EEF2KMT: variants seen among roughly 807,000 people sequenced by gnomAD.
EEF2KMT encodes protein-lysine N-methyltransferase EEF2KMT.
In EEF2KMT, 30 loss-of-function variants were observed where a neutral mutation model predicts 35.1. That is an observed-to-expected ratio of 0.85 (90% CI 0.64 to 1.16). The LOEUF is 1.16. Ranked by LOEUF, EEF2KMT falls within the 50% of genes most tolerant of loss-of-function variation. EEF2KMT has a pLI of 0.00. For missense variants in EEF2KMT, 499 were observed against 438.2 expected, an observed-to-expected ratio of 1.14 and a Z score of -1.24; for synonymous variants, 190 against 187.7, an observed-to-expected ratio of 1.01 and a Z score of -0.10.
intron 3 of EEF2KMT, among the ~76,000 whole-genome samples, chr16:5,092,288 G>C (rs1596277460): frequency 6.6e-6 from 1 of 152,180 alleles, no homozygotes; most frequent in Admixed American, 6.5e-5. Context: ...ATAGAGAGCC[G>C]TGTTTGGATC....
rs2142794886 is a variant in EEF2KMT at position 5,097,781 on chromosome 16, A to G, written c.-42T>C. 1.3e-6 allele frequency: 2 copies of G among 1,531,186 alleles called. No homozygotes were observed. Among genetic ancestry groups the G allele is most frequent in the Non-Finnish European group, 1.7e-6 (2 of 1,144,462 alleles). The allele number at this position is 1,531,186 out of a possible 1,614,324, so 94.8% of individuals were successfully genotyped here. ...CAGCGTTGCCGGCAGACCGGGCGGA[A>G]GCCCGGCCTGGACTGAAGAGGGGGC... On this transcript the variant is annotated 5_prime_UTR_variant, in exon 1 of 8. Coordinates refer to ENST00000427587, the MANE Select transcript of EEF2KMT (RefSeq NM_201400.4).
At chr16:5,094,160 A>C (rs764209640) in intron 2 of EEF2KMT, among the ~76,000 whole-genome samples, 81 of 152,188 alleles carry the variant, frequency 5.3e-4, no homozygotes, top group Admixed American at 1.2e-3. Flanking sequence ...CTGGAGGGAG[A>C]GGGAGGAGAC....
At chr16:5,091,060 G>A (rs1596275849) in intron 4 of EEF2KMT, among the ~76,000 whole-genome samples, 1 of 152,052 alleles carries the variant, frequency 6.6e-6, no homozygotes, top group African/African-American at 2.4e-5. Flanking sequence ...GAATACAGGC[G>A]TGTGCCACCA....
chr16:5,087,329 G>C (rs1957216743), intron 7 of EEF2KMT: 1 of 152,140 alleles, frequency 6.6e-6, no homozygotes, highest in South Asian at 2.1e-4. Context: ...TTCCCCTATA[G>C]GTATACTTAT....
rs777620515 is a variant in EEF2KMT, at chr16:5,097,716, C to T, written c.24G>A (p.Gly8=). 6 of 1,573,592 alleles carry T rather than the reference C, an allele frequency of 3.8e-6. No homozygotes were observed. The highest frequency in any genetic ancestry group is 1.8e-5 in the Admixed American group (1 of 55,254). Residue 8 remains glycine, a synonymous_variant, in exon 1 of 8, where the codon GGG becomes GGA. Transcript: ENST00000427587. MAPEENA[G]TELLLQSFER... is the part of the protein sequence containing the mutation. ...CGAAACTCTGCAGCAAGAGTTCGGT[C>T]CCCGCGTTCTCCTCGGGCGCCATGA...
chr16:5,084,394 T>C lies in EEF2KMT; in HGVS notation c.*1238A>G, dbSNP rs1189865881. On this transcript the variant is annotated 3_prime_UTR_variant, in exon 8 of 8. Transcript: ENST00000427587. ...TTTGTGATCCTTGATTCAGACAGTT[T>C]AGCAAGGCTGCAAAGAACACCGACA... 1 of 454,158 alleles carries C rather than the reference T, an allele frequency of 2.2e-6. No individual in the cohort carries two copies. Among genetic ancestry groups the C allele is most frequent in the Non-Finnish European group, 4.1e-6 (1 of 245,130 alleles). 28.1% of individuals were successfully genotyped at this position (454,158 alleles called of 1,614,324 possible). A position where few individuals can be genotyped will look rare whatever the true frequency, so the allele number is the denominator to read the frequency against.
chr16:5,096,935 CA>C (rs1957481490), intron 1 of EEF2KMT, among the ~76,000 whole-genome samples: 2 of 152,306 alleles, frequency 1.3e-5, no homozygotes, highest in Non-Finnish European at 2.9e-5. Flanking sequence ...TGGAATAACG[CA>C]AATGATTAAG....
rs745866913 is a variant in EEF2KMT at position 5,090,037 on chromosome 16, A to C, written c.742+47T>G. The C allele has an allele frequency of 1.3e-4, 204 of 1,597,918 alleles. 1 individual carries two copies. The highest frequency in any genetic ancestry group is 1.5e-4 in the Non-Finnish European group (174 of 1,179,558). ...TTTCCCAGAGCCAAGAGCTGGGTAG[A>C]GCTGCAAGGACACCACCTGCACAGG... On this transcript the variant is annotated intron_variant, in intron 6 of 7. Transcript: ENST00000427587. This position sits in a 1 kb window ranked among gnomAD's most constrained non-coding sequence, Gnocchi z 4.1.
In EEF2KMT at chr16:5,097,523, C is replaced by G. The variant is rs751109923; in HGVS notation, c.96+121G>C. The G allele has an allele frequency of 2.8e-5, 42 of 1,484,064 alleles. No homozygotes were observed. In the African/African-American group the frequency reaches 5.5e-4, roughly 19 times the overall value. The allele number at this position is 1,484,064 out of a possible 1,614,324, so 91.9% of individuals were successfully genotyped here. ...CGGGGACCGGGTCGCGCGGCCCTGA[C>G]CGGCGGGAGCCCAGGAACTCACGTG... On this transcript the variant is annotated intron_variant, in intron 1 of 7. Transcript: ENST00000427587.
Position 5,095,595 on chromosome 16 carries a change from G to C in EEF2KMT, c.97-81C>G, listed in dbSNP as rs909013150. The stretch of plus-strand genomic sequence containing the variant: ...ACGCAATAGAATGTGTTGGCAAAGC[G>C]CTGTGTGATCCCTCCCTGGGGACGT... On this transcript the variant is annotated intron_variant, in intron 1 of 7. Coordinates refer to ENST00000427587, the MANE Select transcript of EEF2KMT (RefSeq NM_201400.4). 5.5e-5 allele frequency: 88 copies of C among 1,597,734 alleles called. 1 individual carries two copies. Among genetic ancestry groups the C allele is most frequent in the Non-Finnish European group, 7.2e-5 (84 of 1,168,120 alleles).
chr16:5,097,232 G>C (rs1443184106), intron 1 of EEF2KMT: 1 of 1,220,206 alleles, frequency 8.2e-7, no homozygotes, highest in Non-Finnish European at 1.1e-6. Flanking sequence ...ACTGAGGCAC[G>C]AGGGACAGCC....
chr16:5,095,095 A>C (rs531482391), intron 2 of EEF2KMT, among the ~76,000 whole-genome samples: 3 of 152,324 alleles, frequency 2.0e-5, no homozygotes, highest in African/African-American at 7.2e-5. Flanking sequence ...AGTGGGCAGG[A>C]CAGGCCTCAT....
At chr16:5,088,636 C>G (rs1957268439) in intron 7 of EEF2KMT, among the ~76,000 whole-genome samples, 1 of 152,114 alleles carries the variant, frequency 6.6e-6, no homozygotes, top group Non-Finnish European at 1.5e-5. Flanking sequence ...GGTCTGAGGA[C>G]AGTTGCTGGC....
intron 2 of EEF2KMT, 159 bp downstream of exon 2, chr16:5,095,293 A>T (rs1454842536): frequency 9.6e-7 from 1 of 1,039,952 alleles, no homozygotes; most frequent in Non-Finnish European, 1.4e-6. Context: ...TGGAGCTGTC[A>T]GAGGTGCTGA....
At chr16:5,094,252 C>T (rs2142779574) in intron 2 of EEF2KMT, among the ~76,000 whole-genome samples, 1 of 152,266 alleles carries the variant, frequency 6.6e-6, no homozygotes, top group South Asian at 2.1e-4. Flanking sequence ...ACAGGCTCTT[C>T]AGGCTGGTGC....
At chr16:5,097,201 G>T in intron 1 of EEF2KMT, 1 of 990,592 alleles carries the variant, frequency 1.0e-6, no homozygotes, top group Non-Finnish European at 1.3e-6. Context: ...TCTGTGCAGT[G>T]CTCAACATAC....
chr16:5,090,532 T>C lies in EEF2KMT; in HGVS notation c.376A>G (p.Thr126Ala). The C allele has an allele frequency of 6.2e-7, 1 of 1,611,912 alleles. No individual in the cohort carries two copies. Among genetic ancestry groups the C allele is most frequent in the African/African-American group, 1.3e-5 (1 of 74,954 alleles). Residue 126 changes from threonine to alanine, a missense_variant, in exon 5 of 8, where the codon ACG becomes GCG. Thr to Ala is a moderately conservative substitution (Grantham distance 58). Transcript: ENST00000427587. This position sits in a 1 kb window ranked among gnomAD's most constrained non-coding sequence, Gnocchi z 4.1. ...GTGGTACCGTAGGAGATGATGGCCG[T>C]GCTCTCGGAGAGTGTGACCGAGCCT... is the stretch of plus-strand genomic sequence containing the variant. ...SGGSVTLSES[T>A]AIISYGTTGL...
At position 5,090,455 on chromosome 16, in the gene EEF2KMT, C is replaced by A. The variant is rs1957318599; in HGVS notation, c.453G>T (p.Glu151Asp). Residue 151 changes from glutamate to aspartate, a missense_variant, in exon 5 of 8, where the codon GAG becomes GAT. Glu to Asp is a conservative substitution (Grantham distance 45). Transcript: ENST00000427587. The surrounding 1 kb of genome is among the most constrained non-coding windows in gnomAD (Gnocchi z 4.1). ...ACCTGTTAGTGAAGACTGCCGGGTT[C>A]TCGATGGCCCATTCTGCAAGGTAGA... ...AALYLAEWAI[E>D]NPAVFTNRTV... 1.2e-5 allele frequency: 19 copies of A among 1,611,918 alleles called. 1 individual carries two copies. In the South Asian group the frequency reaches 2.0e-4, roughly 17 times the overall value.
intron 3 of EEF2KMT, 142 bp from the exon 4 acceptor site, chr16:5,092,037 T>G (rs1182666230): frequency 2.1e-5 from 31 of 1,483,508 alleles, no homozygotes; most frequent in Non-Finnish European, 2.8e-5. Flanking sequence ...ATTCACTTCG[T>G]TGGGCTTGGT....
Sources: allele counts gnomAD v4.1 joint callset (sites outside exome capture counted in the v4.1 genomes callset), GRCh38; gene constraint gnomAD v4.1.1; non-coding constraint Gnocchi (gnomAD v3.1); transcripts MANE v1.5; gene names NCBI Gene and HGNC (gene_info 2026-07-23, HGNC 2026-07-21).